The following EIF2B3 variants were observed in gnomAD, a reference collection of about 807,000 sequenced individuals.
EIF2B3 encodes translation initiation factor eIF2B subunit gamma.
Under a neutral mutation model 54.1 loss-of-function variants are expected in EIF2B3, and 20 were observed. The observed-to-expected ratio is 0.37, with a 90% confidence interval of 0.26 to 0.54. The LOEUF (loss-of-function observed/expected upper bound fraction) is 0.54. Ranked by LOEUF, EIF2B3 falls within the 20% of genes least tolerant of loss-of-function variation. The probability of loss-of-function intolerance (pLI) is 0.86; values close to 1 mark genes in which losing one functional copy is unlikely to be tolerated. For missense variants in EIF2B3, 448 were observed against 547.8 expected (o/e 0.82, Z 1.82); for synonymous variants, 153 against 188.1 (o/e 0.81, Z 1.52).
intron 4 of EIF2B3, among the ~76,000 whole-genome samples, chr1:44,929,648 A>G (rs1175976865): frequency 6.6e-6 from 1 of 152,224 alleles, no homozygotes; most frequent in Non-Finnish European, 1.5e-5. Flanking sequence ...TAAGGGTCTC[A>G]TTATGAGCCA....
chr1:44,952,341 C>G (rs1336896946), intron 3 of EIF2B3, among the ~76,000 whole-genome samples: 1 of 151,774 alleles, frequency 6.6e-6, no homozygotes, highest in Non-Finnish European at 1.5e-5. Context: ...CTCAGGTGAT[C>G]CACCTGCCTC....
chr1:44,866,102 A>G (rs551770169), intron 10 of EIF2B3, among the ~76,000 whole-genome samples: 2 of 152,160 alleles, frequency 1.3e-5, no homozygotes, highest in South Asian at 4.2e-4. Flanking sequence ...ACATATAAAA[A>G]TATTTCTATA....
intron 3 of EIF2B3, among the ~76,000 whole-genome samples, chr1:44,972,861 A>C (rs992955371): frequency 6.6e-6 from 1 of 151,916 alleles, no homozygotes; most frequent in Non-Finnish European, 1.5e-5. Flanking sequence ...CAATATAGTG[A>C]AACACCCTCA....
At chr1:44,915,753 C>T (rs541151522) in intron 5 of EIF2B3, among the ~76,000 whole-genome samples, 3 of 151,798 alleles carry the variant, frequency 2.0e-5, no homozygotes, top group Non-Finnish European at 4.4e-5. Context: ...AAACAAAATG[C>T]TATTTTAAAA....
chr1:44,912,418 T>TAGG (rs1296315437), intron 5 of EIF2B3, among the ~76,000 whole-genome samples: 12 of 152,186 alleles, frequency 7.9e-5, no homozygotes, highest in Admixed American at 7.9e-4. Context: ...CAGAATCCTA[T>TAGG]ATTTGAATAA....
rs566472515 is a variant in EIF2B3, at chr1:44,967,615, C to T, written c.294+10700G>A. 2.9e-4 allele frequency among the ~76,000 whole-genome samples: 44 copies of T among 151,804 alleles called. 2 individuals are homozygous for T. In the South Asian group the frequency reaches 9.0e-3, roughly 31 times the overall value. ...ATTAGCCGGGTGTGGTGGCACATGCCTGTAGTCCCAGCTACTGGGGAGGCT... is the reference window on the plus strand; with the variant it reads ...ATTAGCCGGGTGTGGTGGCACATGCTTGTAGTCCCAGCTACTGGGGAGGCT... On this transcript the variant is annotated intron_variant, in intron 3 of 11. Coordinates refer to ENST00000360403, the MANE Select transcript of EIF2B3 (RefSeq NM_020365.5).
At chr1:44,937,449 G>A (rs2148938741) in intron 4 of EIF2B3, 1 of 152,300 alleles carries the variant, frequency 6.6e-6, no homozygotes, top group East Asian at 1.9e-4. Context: ...CTATATGTAG[G>A]CAAACAAAAG....
At chr1:44,932,115 G>A (rs957536110) in intron 4 of EIF2B3, among the ~76,000 whole-genome samples, 4 of 149,630 alleles carry the variant, frequency 2.7e-5, no homozygotes, top group East Asian at 2.0e-4. Context: ...GTCTCAAAAC[G>A]AACACACACA....
chr1:44,884,470 C>T (rs1030345837), intron 6 of EIF2B3, among the ~76,000 whole-genome samples: 19 of 152,086 alleles, frequency 1.2e-4, no homozygotes, highest in African/African-American at 4.1e-4. Flanking sequence ...AACTATGAAC[C>T]CTGGAGCTAC....
chr1:44,858,106 G>A (rs1023815483), intron 10 of EIF2B3, among the ~76,000 whole-genome samples: 3 of 128,986 alleles, frequency 2.3e-5, no homozygotes, highest in African/African-American at 8.9e-5. Flanking sequence ...GGGTCTCACT[G>A]TGGCCCTGGG....
chr1:44,924,568 A>G (rs1256429085), intron 5 of EIF2B3, among the ~76,000 whole-genome samples: 1 of 151,556 alleles, frequency 6.6e-6, no homozygotes, highest in Non-Finnish European at 1.5e-5. Flanking sequence ...TTGTATTTTT[A>G]GTAGAGACGG....
intron 4 of EIF2B3, among the ~76,000 whole-genome samples, chr1:44,939,197 C>T (rs1369178115): frequency 1.6e-4 from 24 of 150,224 alleles, no homozygotes; most frequent in African/African-American, 5.6e-4. Context: ...TTGTTTACTT[C>T]AACAACTTCC....
intron 4 of EIF2B3, among the ~76,000 whole-genome samples, chr1:44,933,959 C>T (rs1473500087): frequency 6.6e-6 from 1 of 151,436 alleles, no homozygotes; most frequent in East Asian, 1.9e-4. Context: ...CCCGTCTCTA[C>T]TAAAAATACA....
In EIF2B3 at chr1:44,967,369, C is replaced by G. The variant is rs187758048; in HGVS notation, c.294+10946G>C. ...GGCTGAGGCAGAGGAATCACTTGAA[C>G]CTGGGAGGCAGAGGTTGCGAAAAGC... is the stretch of plus-strand genomic sequence containing the variant. On this transcript the variant is annotated intron_variant, in intron 3 of 11. Coordinates refer to ENST00000360403, the MANE Select transcript of EIF2B3 (RefSeq NM_020365.5). 5.2e-3 allele frequency among the ~76,000 whole-genome samples: 780 copies of G among 151,270 alleles called. 10 individuals are homozygous for G. The highest frequency in any genetic ancestry group is 0.018 in the African/African-American group (749 of 41,250).
Position 44,876,959 on chromosome 1 carries a change from G to A in EIF2B3, c.976-1264C>T, listed in dbSNP as rs570579888. 8.7e-3 allele frequency among the ~76,000 whole-genome samples: 1,266 copies of A among 145,950 alleles called. 28 individuals carry two copies. The highest frequency in any genetic ancestry group is 0.031 in the African/African-American group (1,184 of 37,902). On this transcript the variant is annotated intron_variant, in intron 8 of 11. Transcript: ENST00000360403. ...CTCAGGGTTAAATGGATTAAGGGCGGTGCAAGATGTGCTTTGTTAAACAGA... is the reference window on the plus strand; with the variant it reads ...CTCAGGGTTAAATGGATTAAGGGCGATGCAAGATGTGCTTTGTTAAACAGA...
chr1:44,925,500 C>T (rs374542493), intron 5 of EIF2B3, among the ~76,000 whole-genome samples: 26 of 151,744 alleles, frequency 1.7e-4, no homozygotes, highest in Non-Finnish European at 3.1e-4. Context: ...CAAGGCCTTG[C>T]GGGGAGAAAA....
intron 5 of EIF2B3, among the ~76,000 whole-genome samples, chr1:44,918,699 T>A (rs1456140359): frequency 1.3e-5 from 2 of 152,174 alleles, no homozygotes; most frequent in Non-Finnish European, 2.9e-5. Flanking sequence ...CCAATAGCAT[T>A]CTTATATTGG....
chr1:44,948,382 ATCT>A (rs1164172476), intron 3 of EIF2B3, among the ~76,000 whole-genome samples: 2 of 152,072 alleles, frequency 1.3e-5, no homozygotes, highest in South Asian at 2.1e-4. Context: ...AGGTCTCAAA[ATCT>A]TCTTCCAGTC....
chr1:44,911,774 G>A (rs1042799354), intron 5 of EIF2B3, among the ~76,000 whole-genome samples: 1 of 151,738 alleles, frequency 6.6e-6, no homozygotes, highest in Non-Finnish European at 1.5e-5. Flanking sequence ...AGTTACATAT[G>A]TATACATGTG....
Sources: gnomAD v4.1 joint callset for allele counts (sites outside exome capture counted in the v4.1 genomes callset) on GRCh38, gnomAD v4.1.1 for gene constraint, MANE v1.5 for transcripts, NCBI Gene and HGNC (gene_info 2026-07-23, HGNC 2026-07-21) for gene names.